The following HNRNPL variants were observed in gnomAD, a reference collection of about 807,000 sequenced individuals.
The protein encoded by HNRNPL is heterogeneous nuclear ribonucleoprotein L, also known as epididymis secretory sperm binding protein.
Under a neutral mutation model 64.0 loss-of-function variants are expected in HNRNPL, and 12 were observed. The ratio of observed to expected loss-of-function variants is 0.19; its 90% CI spans 0.12 to 0.30. The LOEUF (loss-of-function observed/expected upper bound fraction) is 0.30, where lower values mean the gene tolerates loss of function less well. HNRNPL is among the 10% of genes least tolerant of loss of function. The probability of loss-of-function intolerance (pLI) is 1.00; values close to 1 mark genes in which losing one functional copy is unlikely to be tolerated. For synonymous variants in HNRNPL, 385 were observed against 313.0 expected, an observed-to-expected ratio of 1.23 and a Z score of -2.43; for missense variants, 484 against 797.4, an observed-to-expected ratio of 0.61 and a Z score of 4.73.
intron 6 of HNRNPL, 115 bp downstream of exon 6, chr19:38,843,727 C>A: frequency 3.5e-6 from 3 of 855,364 alleles, no homozygotes. Flanking sequence ...AAGGCCCTCC[C>A]ATGTCCATGG....
At chr19:38,842,967 G>A (rs1218202506) in intron 6 of HNRNPL, among the ~76,000 whole-genome samples, 1 of 152,214 alleles carries the variant, frequency 6.6e-6, no homozygotes, top group Non-Finnish European at 1.5e-5. Context: ...GGAGGGAGCA[G>A]CCAGGCCCAC....
chr19:38,841,101 C>G (rs1166276010), intron 6 of HNRNPL: 1 of 201,084 alleles, frequency 5.0e-6, no homozygotes, highest in Non-Finnish European at 1.0e-5. Flanking sequence ...CCAAGAGGGA[C>G]TGACTGTAGC....
chr19:38,838,348 G>A, intron 10 of HNRNPL, 49 bp downstream of exon 10: 1 of 1,499,932 alleles, frequency 6.7e-7, no homozygotes, highest in Non-Finnish European at 9.2e-7. Context: ...GGCCTACTCA[G>A]ACGGCCGTGG....
At chr19:38,852,071 C>T, upstream of HNRNPL, among the ~76,000 whole-genome samples, 3 of 147,210 alleles carry the variant, frequency 2.0e-5, no homozygotes, top group Non-Finnish European at 4.5e-5. Context: ...CCGCGGCCGG[C>T]CCGGACGCCC....
At chr19:38,850,502 G>C (rs900735227), upstream of HNRNPL, among the ~76,000 whole-genome samples, 1 of 152,212 alleles carries the variant, frequency 6.6e-6, no homozygotes, top group Admixed American at 6.5e-5. Flanking sequence ...CCTCTCACCA[G>C]ATGGTAGGAC....
chr19:38,840,779 G>A, intron 6 of HNRNPL: 2 of 568,124 alleles, frequency 3.5e-6, no homozygotes, highest in Non-Finnish European at 6.1e-6. Flanking sequence ...ATACCAAAGG[G>A]CTGGCCTTGT....
chr19:38,843,735 TG>T, intron 6 of HNRNPL, 106 bp downstream of exon 6: 5 of 923,380 alleles, frequency 5.4e-6, no homozygotes, highest in Admixed American at 2.0e-5. Context: ...CCCATGTCCA[TG>T]GGGGGCCCAA....
At chr19:38,840,759 TC>T in intron 6 of HNRNPL, 200 bp from the exon 7 acceptor site, 1 of 593,340 alleles carries the variant, frequency 1.7e-6, no homozygotes, top group Non-Finnish European at 2.9e-6. Context: ...CCACTCTCCT[TC>T]CCCTGCTCAT....
In HNRNPL at chr19:38,846,103, A is replaced by T; in HGVS notation, c.387-13T>A. Reference sequence around the variant, plus strand: ...TACCACCACATAGCTGGCAGAGAGAACACAGGTTTCAATCCTCTCAGGAAA... The same window carrying T: ...TACCACCACATAGCTGGCAGAGAGATCACAGGTTTCAATCCTCTCAGGAAA... On this transcript the variant is annotated splice_polypyrimidine_tract_variant and intron_variant, in intron 2 of 12. Transcript: ENST00000221419. 1 of 1,585,298 alleles carries T rather than the reference A, an allele frequency of 6.3e-7. No homozygotes were observed.
upstream of HNRNPL, among the ~76,000 whole-genome samples, chr19:38,851,592 G>C (rs115290465): frequency 3.7e-3 from 558 of 152,312 alleles, 4 homozygotes; most frequent in African/African-American, 0.012. Context: ...GTTGAGGTCC[G>C]GGTGGAAACT....
chr19:38,836,598 T>TA lies in HNRNPL; in HGVS notation c.*123dup, dbSNP rs35433653. 4,554 of 136,474 alleles carry TA rather than the reference T, an allele frequency of 0.033. 327 individuals carry two copies. Among genetic ancestry groups the TA allele is most frequent in the African/African-American group, 0.13 (2,231 of 16,984 alleles). The allele number at this position is 136,474 out of a possible 1,614,324, so 8.5% of individuals were successfully genotyped here. A position where few individuals can be genotyped will look rare whatever the true frequency, so the allele number is the denominator to read the frequency against. On this transcript the variant is annotated 3_prime_UTR_variant, in exon 13 of 13. Coordinates refer to ENST00000221419, the MANE Select transcript of HNRNPL (RefSeq NM_001533.3). The stretch of plus-strand genomic sequence containing the variant: ...AGTAAGCCTCTACAAACCTAGCATT[T>TA]AAAAAAAAAAAAAAAAAAAAAAAAA...
At position 38,840,317 on chromosome 19, in the gene HNRNPL, G is replaced by C. The variant is rs758600913; in HGVS notation, c.1012C>G (p.Pro338Ala). ...CCCATCCTTCTCCCTTCGTAGTGAG[G>C]TGGGGGGGGCCCGTAGCCCTCATCA... Reference protein sequence around the residue: ...YHDEGYGPPPPHYEGRRMGPP... With the variant: ...YHDEGYGPPPAHYEGRRMGPP... The change falls in exon 8 of 13, where the codon CCT becomes GCT. Residue 338 changes from proline to alanine, a missense_variant. Transcript: ENST00000221419. 535 of 1,548,250 alleles carry C rather than the reference G, an allele frequency of 3.5e-4. No individual in the cohort carries two copies. Among genetic ancestry groups the C allele is most frequent in the Non-Finnish European group, 4.5e-4 (515 of 1,140,952 alleles).
At position 38,849,883 on chromosome 19, in the gene HNRNPL, C is replaced by T. The variant is rs760131177; in HGVS notation, c.84G>A (p.Arg28=). 2 of 1,237,282 alleles carry T rather than the reference C, an allele frequency of 1.6e-6. No homozygotes were observed. The highest frequency in any genetic ancestry group is 2.3e-6 in the Non-Finnish European group (2 of 876,496). The allele number at this position is 1,237,282 out of a possible 1,614,324, so 76.6% of individuals were successfully genotyped here. ...QRQQPDEQRR[R]SGAMVKMAAA... Reference sequence around the variant, plus strand: ...CCGCCATCTTCACCATCGCTCCCGACCGCCTCCGCTGCTCGTCCGGCTGCT... The same window carrying T: ...CCGCCATCTTCACCATCGCTCCCGATCGCCTCCGCTGCTCGTCCGGCTGCT... Residue 28 remains arginine (R), a synonymous_variant, in exon 1 of 13, where the codon CGG becomes CGA. Transcript: ENST00000221419.
chr19:38,852,078 G>A (rs1272955348), upstream of HNRNPL, among the ~76,000 whole-genome samples: 12 of 138,386 alleles, frequency 8.7e-5, no homozygotes, highest in African/African-American at 3.2e-4. Flanking sequence ...CGGCCCGGAC[G>A]CCCCTCGCGC....
chr19:38,845,438 C>T (rs1600063903), intron 4 of HNRNPL: 3 of 581,612 alleles, frequency 5.2e-6, no homozygotes, highest in African/African-American at 3.7e-5. Context: ...TATCTCCCAA[C>T]ACACTGCTCT....
At chr19:38,837,044 G>A in intron 12 of HNRNPL, 2 of 534,844 alleles carry the variant, frequency 3.7e-6, no homozygotes, top group Non-Finnish European at 6.6e-6. Flanking sequence ...AACTGGGTGG[G>A]CAAGTTTTAC....
chr19:38,839,452 A>T, intron 8 of HNRNPL: 1 of 178,714 alleles, frequency 5.6e-6, no homozygotes, highest in Non-Finnish European at 1.2e-5. Flanking sequence ...CATAAAGGCT[A>T]TGTGAACCTG....
chr19:38,840,671 C>G, intron 6 of HNRNPL, 112 bp from the exon 7 acceptor site: 3 of 846,798 alleles, frequency 3.5e-6, no homozygotes, highest in South Asian at 1.5e-5. Context: ...GCAAGCCCTC[C>G]CTTCCTCGAG....
chr19:38,845,842 C>T lies in HNRNPL; in HGVS notation c.624+11G>A. On this transcript the variant is annotated intron_variant, in intron 3 of 12. Coordinates refer to ENST00000221419, the MANE Select transcript of HNRNPL (RefSeq NM_001533.3). Reference sequence around the variant, plus strand: ...AGGGAGACCTCACAAGAAATGCCTGCTGGCACGTACCGTGGTGATCGAATA... The same window carrying T: ...AGGGAGACCTCACAAGAAATGCCTGTTGGCACGTACCGTGGTGATCGAATA... 1 of 1,609,940 alleles carries T rather than the reference C, an allele frequency of 6.2e-7. No homozygotes were observed. The highest frequency in any genetic ancestry group is 8.5e-7 in the Non-Finnish European group (1 of 1,176,180).
Sources: gnomAD v4.1 joint callset for allele counts (sites outside exome capture counted in the v4.1 genomes callset) on GRCh38, gnomAD v4.1.1 for gene constraint, MANE v1.5 for transcripts, NCBI Gene and HGNC (gene_info 2026-07-23, HGNC 2026-07-21) for gene names.